DYRK1A: variants seen among roughly 807,000 people sequenced by gnomAD.
The protein encoded by DYRK1A is dual specificity tyrosine-phosphorylation-regulated kinase 1A.
Under a neutral mutation model 79.7 loss-of-function variants are expected in DYRK1A, and 9 were observed. The observed-to-expected ratio is 0.11, with a 90% CI of 0.07 to 0.20. The LOEUF is 0.20. Among genes scored for constraint, DYRK1A ranks in the 10% least tolerant of loss-of-function variants. The pLI is 1.00. For synonymous variants in DYRK1A, 349 were observed against 329.7 expected (o/e 1.06, Z -0.63); for missense variants, 622 against 956.0 (o/e 0.65, Z 4.61).
At chr21:37,508,986 G>A (rs9974126) in intron 11 of DYRK1A, among the ~76,000 whole-genome samples, 43,351 of 152,024 alleles carry the variant, frequency 0.29, 6,347 homozygotes, top group South Asian at 0.38. Context: ...AAGACACCGC[G>A]TTCTTCCCAC....
chr21:37,431,053 A>G (rs2148453304), intron 2 of DYRK1A, among the ~76,000 whole-genome samples: 1 of 152,158 alleles, frequency 6.6e-6, no homozygotes, highest in South Asian at 2.1e-4. Flanking sequence ...AAAACTGACA[A>G]AATCTTTGGT....
chr21:37,454,594 TTAA>T (rs2051573076), intron 2 of DYRK1A, among the ~76,000 whole-genome samples: 1 of 152,190 alleles, frequency 6.6e-6, no homozygotes, highest in African/African-American at 2.4e-5. Context: ...AAAAATCATT[TTAA>T]AAAGTATTGT....
At position 37,517,979 on chromosome 21, in the gene DYRK1A, AAAC is replaced by A. The variant is rs2053897985; in HGVS notation, c.*5452_*5454del. 1 of 152,130 alleles carries A rather than the reference AAAC, an allele frequency of 6.6e-6. No homozygotes were observed. The highest frequency in any genetic ancestry group is 2.1e-4 in the South Asian group (1 of 4,826). 9.4% of individuals were successfully genotyped at this position (152,130 alleles called of 1,614,324 possible). A position where few individuals can be genotyped will look rare whatever the true frequency, so the allele number is the denominator to read the frequency against. Reference sequence around the variant, plus strand: ...TGTGATTGCAGCTCACTGCAGCCTTAAACAACTGGGCTAGGTGATCCTCCCATC... The same window carrying A: ...TGTGATTGCAGCTCACTGCAGCCTTAAACTGGGCTAGGTGATCCTCCCATC... On this transcript the variant is annotated 3_prime_UTR_variant, in exon 12 of 12. Coordinates refer to ENST00000647188, the MANE Select transcript of DYRK1A (RefSeq NM_001347721.2).
At chr21:37,511,017 C>A (rs917640994) in intron 11 of DYRK1A, among the ~76,000 whole-genome samples, 3 of 152,098 alleles carry the variant, frequency 2.0e-5, no homozygotes, top group African/African-American at 4.8e-5. Context: ...AAAGAGACAT[C>A]CAAGCAATAA....
upstream of DYRK1A, chr21:37,365,997 C>G (rs902104290): frequency 2.0e-5 from 3 of 152,118 alleles, no homozygotes; most frequent in African/African-American, 7.2e-5. Context: ...CCGCCGGGCC[C>G]GGCGCAGCGT....
At chr21:37,391,066 A>G (rs984503761) in intron 1 of DYRK1A, among the ~76,000 whole-genome samples, 3 of 152,204 alleles carry the variant, frequency 2.0e-5, no homozygotes, top group African/African-American at 7.2e-5. Context: ...GATGAAGTCT[A>G]ATTATTAAAA....
chr21:37,407,808 T>TC (rs1028516882), intron 1 of DYRK1A, among the ~76,000 whole-genome samples: 5 of 152,196 alleles, frequency 3.3e-5, no homozygotes, highest in Non-Finnish European at 7.3e-5. Context: ...TACAGTTTTT[T>TC]CCCCTAAGAG....
chr21:37,387,617 T>C (rs1207716793), intron 1 of DYRK1A, among the ~76,000 whole-genome samples: 2 of 152,214 alleles, frequency 1.3e-5, no homozygotes. Flanking sequence ...AGGATCCCTT[T>C]TGCATATTTT....
rs781649423 is a variant in DYRK1A, at chr21:37,521,585, A to G, written c.*9054A>G. Reference sequence around the variant, plus strand: ...ATTACAAGTAAGCCCAGTGTTTTTAAAAGAGTGTGAACAGAGACCTTATTC... The same window carrying G: ...ATTACAAGTAAGCCCAGTGTTTTTAGAAGAGTGTGAACAGAGACCTTATTC... On this transcript the variant is annotated 3_prime_UTR_variant, in exon 12 of 12. Transcript: ENST00000647188. The G allele has an allele frequency of 1.3e-5, 2 of 152,232 alleles. No individual in the cohort carries two copies. The highest frequency in any genetic ancestry group is 2.9e-5 in the Non-Finnish European group (2 of 68,056). 9.4% of individuals were successfully genotyped at this position (152,232 alleles called of 1,614,324 possible).
intron 9 of DYRK1A, 195 bp from the exon 10 acceptor site, chr21:37,505,088 C>G: frequency 1.8e-6 from 1 of 552,516 alleles, no homozygotes; most frequent in Non-Finnish European, 3.2e-6. Flanking sequence ...CATTTTTGGT[C>G]TCAGAATTAA....
At chr21:37,370,917 T>C (rs2049416493) in intron 1 of DYRK1A, among the ~76,000 whole-genome samples, 1 of 152,188 alleles carries the variant, frequency 6.6e-6, no homozygotes, top group Non-Finnish European at 1.5e-5. Flanking sequence ...AATAGCACCT[T>C]ATGTATATAT....
chr21:37,453,876 ATCAC>A (rs2051542361), intron 2 of DYRK1A, among the ~76,000 whole-genome samples: 1 of 152,148 alleles, frequency 6.6e-6, no homozygotes. Context: ...TTACTTTGGT[ATCAC>A]TCAGCTAGAA....
chr21:37,451,363 T>G (rs1435508275), intron 2 of DYRK1A, among the ~76,000 whole-genome samples: 1 of 74,914 alleles, frequency 1.3e-5, no homozygotes, highest in African/African-American at 4.2e-5. Flanking sequence ...CCTCCATCCC[T>G]CCCTCCCTCC....
intron 1 of DYRK1A, among the ~76,000 whole-genome samples, chr21:37,368,537 T>G (rs921799685): frequency 6.6e-6 from 1 of 152,236 alleles, no homozygotes; most frequent in African/African-American, 2.4e-5. Flanking sequence ...GCAGGAATGC[T>G]AGCACCATTT....
chr21:37,447,115 T>A (rs1569330096), intron 2 of DYRK1A, among the ~76,000 whole-genome samples: 1 of 152,170 alleles, frequency 6.6e-6, no homozygotes, highest in African/African-American at 2.4e-5. Context: ...CTTGCTTCTT[T>A]TATATCCCCT....
At chr21:37,398,076 A>ATAT (rs149647070) in intron 1 of DYRK1A, among the ~76,000 whole-genome samples, 1,747 of 145,734 alleles carry the variant, frequency 0.012, 20 homozygotes, top group African/African-American at 0.033. Flanking sequence ...TTAAAAAAAA[A>ATAT]ATATATATAT....
chr21:37,388,122 T>TTTA (rs1569284870), intron 1 of DYRK1A, among the ~76,000 whole-genome samples: 1 of 147,914 alleles, frequency 6.8e-6, no homozygotes, highest in East Asian at 2.0e-4. Flanking sequence ...TTTTTTTTTT[T>TTTA]ACTCTTGCCC....
intron 1 of DYRK1A, among the ~76,000 whole-genome samples, chr21:37,410,270 A>G (rs887507975): frequency 2.0e-5 from 3 of 152,204 alleles, no homozygotes; most frequent in East Asian, 1.9e-4. Flanking sequence ...GTCTTTGTGC[A>G]TATGAAGAGT....
intron 1 of DYRK1A, among the ~76,000 whole-genome samples, chr21:37,389,761 G>A (rs762034753): frequency 6.6e-6 from 1 of 152,026 alleles, no homozygotes; most frequent in African/African-American, 2.4e-5. Flanking sequence ...ATGAATATGA[G>A]TATCCCTAAG....
Sources: gnomAD v4.1 joint callset for allele counts (sites outside exome capture counted in the v4.1 genomes callset) on GRCh38, gnomAD v4.1.1 for gene constraint, MANE v1.5 for transcripts, NCBI Gene and HGNC (gene_info 2026-07-23, HGNC 2026-07-21) for gene names.